The following GNA14 variants were observed in gnomAD, a reference collection of about 807,000 sequenced individuals.
The protein encoded by GNA14 is guanine nucleotide-binding protein subunit alpha-14.
A neutral mutation model predicts 42.0 loss-of-function variants in GNA14; 50 were observed. That is an observed-to-expected ratio of 1.19 (90% CI 0.95 to 1.51). GNA14 has a LOEUF of 1.51. Among genes scored for constraint, GNA14 ranks in the 40% most tolerant of loss-of-function variants. The probability of loss-of-function intolerance (pLI) is 0.00; values close to 1 mark genes in which losing one functional copy is unlikely to be tolerated. For missense variants in GNA14, 473 were observed against 446.2 expected (o/e 1.06, Z -0.54); for synonymous variants, 173 against 163.1 (o/e 1.06, Z -0.46).
chr9:77,641,389 A>G (rs979822029), intron 1 of GNA14, among the ~76,000 whole-genome samples: 1 of 151,990 alleles, frequency 6.6e-6, no homozygotes, highest in Admixed American at 6.6e-5. Flanking sequence ...AAAACAGACA[A>G]TATCTTAACC....
intron 1 of GNA14, among the ~76,000 whole-genome samples, chr9:77,601,471 T>C (rs1002899134): frequency 1.3e-5 from 2 of 152,244 alleles, no homozygotes; most frequent in Admixed American, 6.5e-5. Context: ...TTATATGTTT[T>C]AGGAATGAAG....
At chr9:77,455,673 C>G (rs1037479437) in intron 2 of GNA14, among the ~76,000 whole-genome samples, 3 of 152,186 alleles carry the variant, frequency 2.0e-5, no homozygotes, top group Non-Finnish European at 4.4e-5. Context: ...TGATGCCCCA[C>G]ATAAGGAATA....
intron 2 of GNA14, among the ~76,000 whole-genome samples, chr9:77,485,751 G>T (rs1836649236): frequency 6.6e-6 from 1 of 152,110 alleles, no homozygotes; most frequent in African/African-American, 2.4e-5. Flanking sequence ...GAGCGCTTAG[G>T]TGACCAGGTG....
At chr9:77,600,855 G>A (rs1457438830) in intron 1 of GNA14, among the ~76,000 whole-genome samples, 1 of 152,228 alleles carries the variant, frequency 6.6e-6, no homozygotes, top group Non-Finnish European at 1.5e-5. Flanking sequence ...GGAGGCGGAG[G>A]TTGCAGTGCG....
intron 2 of GNA14, among the ~76,000 whole-genome samples, chr9:77,467,341 A>T (rs1836253781): frequency 1.3e-5 from 2 of 152,054 alleles, no homozygotes; most frequent in Middle Eastern, 6.8e-3. Context: ...TGTTACTGAT[A>T]GATCTATGTG....
At chr9:77,503,653 A>G in intron 2 of GNA14, among the ~76,000 whole-genome samples, 1 of 140,796 alleles carries the variant, frequency 7.1e-6, no homozygotes, top group Middle Eastern at 3.7e-3. Flanking sequence ...AAATTTCAGG[A>G]TTTTTTTTTT....
At chr9:77,507,671 C>G (rs1029128185) in intron 2 of GNA14, among the ~76,000 whole-genome samples, 1 of 152,026 alleles carries the variant, frequency 6.6e-6, no homozygotes, top group Non-Finnish European at 1.5e-5. Context: ...TTTTTAACGG[C>G]TCCTCTTTTC....
chr9:77,441,879 G>T (rs563383480), intron 2 of GNA14, among the ~76,000 whole-genome samples: 2 of 152,230 alleles, frequency 1.3e-5, no homozygotes, highest in Admixed American at 1.3e-4. Context: ...ATAACCATCA[G>T]CTTTTGAAGC....
intron 2 of GNA14, among the ~76,000 whole-genome samples, chr9:77,450,681 C>T (rs1488559085): frequency 2.0e-5 from 3 of 151,342 alleles, no homozygotes; most frequent in Non-Finnish European, 4.4e-5. Flanking sequence ...AATTTTCATC[C>T]TTTTTTTGGT....
chr9:77,502,470 G>A (rs1483996204), intron 2 of GNA14, among the ~76,000 whole-genome samples: 2 of 152,194 alleles, frequency 1.3e-5, no homozygotes, highest in South Asian at 2.1e-4. Context: ...GGGGCTCCTC[G>A]ATCCTGCTGG....
At chr9:77,641,766 T>C (rs761580276) in intron 1 of GNA14, among the ~76,000 whole-genome samples, 19 of 152,116 alleles carry the variant, frequency 1.2e-4, no homozygotes, top group Non-Finnish European at 2.6e-4. Flanking sequence ...CCAACAAAAC[T>C]GGGATATGGA....
chr9:77,525,700 G>A (rs962350519), intron 2 of GNA14, among the ~76,000 whole-genome samples: 4 of 151,606 alleles, frequency 2.6e-5, no homozygotes, highest in Non-Finnish European at 5.9e-5. Context: ...CAACACGCCC[G>A]GCTAATTTTT....
chr9:77,459,184 T>C (rs538779108), intron 2 of GNA14, among the ~76,000 whole-genome samples: 91 of 151,588 alleles, frequency 6.0e-4, no homozygotes, highest in African/African-American at 2.2e-3. Flanking sequence ...TGCAGTGAGC[T>C]GAGATCACAT....
intron 4 of GNA14, 117 bp from the exon 5 acceptor site, chr9:77,429,153 G>A: frequency 1.1e-6 from 1 of 921,206 alleles, no homozygotes; most frequent in Non-Finnish European, 1.7e-6. Context: ...ATTTCTAAGA[G>A]AGAAAAGAGG....
chr9:77,443,883 G>A (rs554137199), intron 2 of GNA14, among the ~76,000 whole-genome samples: 4 of 152,216 alleles, frequency 2.6e-5, no homozygotes, highest in Non-Finnish European at 1.5e-5. Context: ...TCTGGAGGCT[G>A]TGGCGGGAGG....
rs539853542 is a variant in GNA14 at position 77,488,898 on chromosome 9, C to T, written c.309+40171G>A. On this transcript the variant is annotated intron_variant, in intron 2 of 6. Coordinates refer to ENST00000341700, the MANE Select transcript of GNA14 (RefSeq NM_004297.4). ...ATACATCACATGAAACAACAGCAAA[C>T]AGGAAACCATGGCCTCCTGAAATTG... Among the ~76,000 whole-genome samples the T allele has an allele frequency of 2.7e-5, 4 of 148,570 alleles. No individual in the cohort carries two copies. The East Asian group carries it at 8.0e-4, about 30-fold the overall frequency.
At chr9:77,431,025 TGTG>T (rs768129473) in intron 4 of GNA14, among the ~76,000 whole-genome samples, 1 of 3,592 alleles carries the variant, frequency 2.8e-4, no homozygotes, top group African/African-American at 2.6e-3. Context: ...AGTATACATT[TGTG>T]TGTGTGTGTG....
intron 1 of GNA14, among the ~76,000 whole-genome samples, chr9:77,587,121 A>T (rs1274190125): frequency 2.2e-3 from 1 of 464 alleles, no homozygotes; most frequent in African/African-American, 0.05. Context: ...GCTATACTTA[A>T]AAAAAAAAGA....
intron 1 of GNA14, among the ~76,000 whole-genome samples, chr9:77,614,006 G>A (rs979601365): frequency 5.3e-5 from 8 of 152,204 alleles, no homozygotes; most frequent in Admixed American, 3.3e-4. Flanking sequence ...GAAATAGAAT[G>A]TATTAGTCAG....
Sources: allele counts gnomAD v4.1 joint callset (sites outside exome capture counted in the v4.1 genomes callset), GRCh38; gene constraint gnomAD v4.1.1; transcripts MANE v1.5; gene names NCBI Gene and HGNC (gene_info 2026-07-23, HGNC 2026-07-21).